Variants in PID1 observed in about 807,000 individuals in gnomAD.
The protein encoded by PID1 is phosphotyrosine interaction domain containing 1.
In PID1, 10 loss-of-function variants were observed where a neutral mutation model predicts 19.1. That is an observed-to-expected ratio of 0.52 (90% CI 0.32 to 0.89). The LOEUF (loss-of-function observed/expected upper bound fraction) is 0.89. Ranked by LOEUF, PID1 falls within the 40% of genes least tolerant of loss-of-function variation. The pLI is 0.03. For missense variants in PID1, 248 were observed against 285.3 expected, an observed-to-expected ratio of 0.87 and a Z score of 0.94; for synonymous variants, 130 against 116.0, an observed-to-expected ratio of 1.12 and a Z score of -0.78.
At chr2:229,167,309 T>C (rs1364124591) in intron 1 of PID1, among the ~76,000 whole-genome samples, 1 of 152,168 alleles carries the variant, frequency 6.6e-6, no homozygotes, top group East Asian at 1.9e-4. Context: ...AACTTTACTT[T>C]GGCAAAACCT....
intron 2 of PID1, among the ~76,000 whole-genome samples, chr2:229,144,392 C>T (rs1370005357): frequency 6.6e-6 from 1 of 152,062 alleles, no homozygotes; most frequent in Non-Finnish European, 1.5e-5. Flanking sequence ...TGTCATATAA[C>T]CGGGTAGCTG....
chr2:229,254,887 C>G (rs1288329787), intron 1 of PID1, among the ~76,000 whole-genome samples: 1 of 152,146 alleles, frequency 6.6e-6, no homozygotes, highest in African/African-American at 2.4e-5. Context: ...AGCACCATCC[C>G]TTTCATTTTC....
intron 2 of PID1, among the ~76,000 whole-genome samples, chr2:229,096,918 G>A (rs959398210): frequency 2.6e-5 from 4 of 152,180 alleles, no homozygotes; most frequent in East Asian, 3.9e-4. Flanking sequence ...TAAACAAATC[G>A]AAAGTGAAGA....
chr2:229,262,570 C>A (rs1004909502), intron 1 of PID1: 2 of 1,429,974 alleles, frequency 1.4e-6, no homozygotes, highest in African/African-American at 1.4e-5. Flanking sequence ...AGTAGAGTGA[C>A]CAAACATAGT....
chr2:229,055,028 G>A (rs73099442), intron 2 of PID1, among the ~76,000 whole-genome samples: 9,785 of 152,154 alleles, frequency 0.064, 465 homozygotes, highest in Admixed American at 0.15. Context: ...TGAAGAGGAG[G>A]GAGAACACCA....
intron 2 of PID1, among the ~76,000 whole-genome samples, chr2:229,075,170 T>C (rs1436243159): frequency 1.3e-5 from 2 of 152,214 alleles, no homozygotes; most frequent in Non-Finnish European, 2.9e-5. Context: ...GAATATTTCA[T>C]GTACGAGGAA....
intron 2 of PID1, among the ~76,000 whole-genome samples, chr2:229,105,595 C>T (rs1389014947): frequency 6.6e-5 from 10 of 152,216 alleles, no homozygotes; most frequent in Admixed American, 6.5e-4. Context: ...CCAAGTCGCC[C>T]TGAACTCTCA....
At chr2:229,041,995 T>C (rs896814113) in intron 2 of PID1, among the ~76,000 whole-genome samples, 2 of 152,232 alleles carry the variant, frequency 1.3e-5, no homozygotes, top group African/African-American at 4.8e-5. Flanking sequence ...TGTGAAAATA[T>C]GAGTAATGTC....
intron 2 of PID1, among the ~76,000 whole-genome samples, chr2:229,129,516 A>C (rs1185217337): frequency 6.6e-6 from 1 of 152,140 alleles, no homozygotes; most frequent in Admixed American, 6.5e-5. Flanking sequence ...GACTATGGTA[A>C]TAAGTATCTT....
chr2:229,033,039 C>A (rs764574263), intron 2 of PID1, among the ~76,000 whole-genome samples: 7 of 152,150 alleles, frequency 4.6e-5, no homozygotes, highest in Non-Finnish European at 8.8e-5. Flanking sequence ...CCCTGCTCAT[C>A]TGTGGCAAAA....
intron 1 of PID1, among the ~76,000 whole-genome samples, chr2:229,205,889 A>G (rs1691598684): frequency 6.6e-6 from 1 of 152,294 alleles, no homozygotes. Context: ...TGGACCATTA[A>G]TCCCAGCTAT....
intron 2 of PID1, among the ~76,000 whole-genome samples, chr2:229,151,917 G>C (rs1690264408): frequency 6.6e-6 from 1 of 152,136 alleles, no homozygotes; most frequent in Non-Finnish European, 1.5e-5. Context: ...ATTTTGTGAA[G>C]GCTTTGAGGA....
chr2:229,266,750 G>T (rs191818454), intron 1 of PID1, among the ~76,000 whole-genome samples: 26 of 152,278 alleles, frequency 1.7e-4, no homozygotes, highest in Non-Finnish European at 2.2e-4. Flanking sequence ...GATAAAAGTG[G>T]TTACAGGATG....
chr2:229,095,696 T>C (rs905474627), intron 2 of PID1, among the ~76,000 whole-genome samples: 1 of 152,152 alleles, frequency 6.6e-6, no homozygotes, highest in Non-Finnish European at 1.5e-5. Flanking sequence ...CAGCATAACA[T>C]GATCATGCTG....
chr2:229,202,413 C>T (rs1691517098), intron 1 of PID1, among the ~76,000 whole-genome samples: 1 of 152,012 alleles, frequency 6.6e-6, no homozygotes, highest in Non-Finnish European at 1.5e-5. Context: ...TTTATACTTG[C>T]ACCATGTCTG....
At chr2:229,146,536 T>C (rs1690138686) in intron 2 of PID1, among the ~76,000 whole-genome samples, 1 of 151,978 alleles carries the variant, frequency 6.6e-6, no homozygotes, top group South Asian at 2.1e-4. Flanking sequence ...TGTGTGTGTG[T>C]GTGTGTGTGT....
intron 2 of PID1, among the ~76,000 whole-genome samples, chr2:229,120,125 A>C (rs1185838965): frequency 6.6e-6 from 1 of 152,098 alleles, no homozygotes; most frequent in South Asian, 2.1e-4. Flanking sequence ...TTCTAGAAAG[A>C]TATTTCTTAC....
rs562464752 is a variant in PID1, at chr2:229,131,950, C to G, written c.177+23868G>C. Among the ~76,000 whole-genome samples the G allele has an allele frequency of 4.9e-4, 74 of 151,972 alleles. 1 individual carries two copies. The South Asian group carries it at 0.013, about 27-fold the overall frequency. On this transcript the variant is annotated intron_variant, in intron 2 of 2. Coordinates refer to ENST00000392055, the MANE Select transcript of PID1 (RefSeq NM_001100818.2). Reference sequence around the variant, plus strand: ...ATCATCCTTCTGTCTGGGAGCAAACCCTCTCTAGAGCAGGATTAAGCTATC... The same window carrying G: ...ATCATCCTTCTGTCTGGGAGCAAACGCTCTCTAGAGCAGGATTAAGCTATC...
intron 1 of PID1, among the ~76,000 whole-genome samples, chr2:229,168,185 A>T (rs1348864267): frequency 6.6e-6 from 1 of 152,152 alleles, no homozygotes; most frequent in African/African-American, 2.4e-5. Flanking sequence ...TCTTGAATCC[A>T]TAGATCTGTG....
Sources: allele counts gnomAD v4.1 joint callset (sites outside exome capture counted in the v4.1 genomes callset), GRCh38; gene constraint gnomAD v4.1.1; transcripts MANE v1.5; gene names NCBI Gene and HGNC (gene_info 2026-07-23, HGNC 2026-07-21).